The following C2CD2 variants were observed in gnomAD, a reference collection of about 807,000 sequenced individuals.
C2CD2 encodes the protein C2 domain-containing protein 2.
In C2CD2, 43 loss-of-function variants were observed where a neutral mutation model predicts 74.3. The observed-to-expected ratio is 0.58, with a 90% CI of 0.45 to 0.75. The LOEUF is 0.75. C2CD2 is among the 30% of genes least tolerant of loss of function. The pLI is 0.00. For synonymous variants in C2CD2, 422 were observed against 390.7 expected, an observed-to-expected ratio of 1.08 and a Z score of -0.94; for missense variants, 801 against 916.3, an observed-to-expected ratio of 0.87 and a Z score of 1.63.
At chr21:41,900,754 A>C (rs763863083) in intron 12 of C2CD2, among the ~76,000 whole-genome samples, 4 of 152,062 alleles carry the variant, frequency 2.6e-5, no homozygotes, top group Non-Finnish European at 5.9e-5. Context: ...TCCTACTCCA[A>C]ATCAAAATCT....
intron 11 of C2CD2, 56 bp from the exon 12 acceptor site, chr21:41,901,805 G>A: frequency 1.4e-6 from 2 of 1,477,258 alleles, no homozygotes; most frequent in Admixed American, 1.7e-5. Context: ...ACTTCCATGG[G>A]AACTTCCAGG....
chr21:41,888,890 C>T lies in C2CD2; in HGVS notation c.*234G>A. The stretch of plus-strand genomic sequence containing the variant: ...TATGAGCACAGCCCAAGCTCTGCAG[C>T]TGTCAAGTCTCATTTAGCATCTGGT... On this transcript the variant is annotated 3_prime_UTR_variant, in exon 14 of 14. Coordinates refer to ENST00000380486, the MANE Select transcript of C2CD2 (RefSeq NM_015500.2). 1 of 582,392 alleles carries T rather than the reference C, an allele frequency of 1.7e-6. No homozygotes were observed. The highest frequency in any genetic ancestry group is 3.1e-6 in the Non-Finnish European group (1 of 326,670). The allele number at this position is 582,392 out of a possible 1,614,324, so 36.1% of individuals were successfully genotyped here.
intron 2 of C2CD2, 31 bp downstream of exon 2, chr21:41,942,116 C>T (rs2065359507): frequency 1.3e-6 from 2 of 1,547,980 alleles, no homozygotes; most frequent in East Asian, 2.4e-5. Flanking sequence ...AAGTTCACCT[C>T]TTCCTGCAGG....
At chr21:41,891,603 GT>G (rs2064754850) in intron 13 of C2CD2, among the ~76,000 whole-genome samples, 1 of 152,144 alleles carries the variant, frequency 6.6e-6, no homozygotes, top group African/African-American at 2.4e-5. Flanking sequence ...CCTCAGTGGT[GT>G]TTCTGATCTA....
intron 1 of C2CD2, among the ~76,000 whole-genome samples, chr21:41,947,103 C>CTCT (rs2065403734): frequency 1.4e-4 from 3 of 22,118 alleles, no homozygotes; most frequent in Non-Finnish European, 4.5e-4. Context: ...TCTTTCTTTC[C>CTCT]TTTCTCTTTT....
In C2CD2 at chr21:41,901,351, G is replaced by A. The variant is rs898126532; in HGVS notation, c.1560+271C>T. 168 of 511,764 alleles carry A rather than the reference G, an allele frequency of 3.3e-4. 1 individual carries two copies. Among genetic ancestry groups the A allele is most frequent in the Non-Finnish European group, 5.4e-4 (153 of 281,176 alleles). 31.7% of individuals were successfully genotyped at this position (511,764 alleles called of 1,614,324 possible). On this transcript the variant is annotated intron_variant, in intron 12 of 13. Coordinates refer to ENST00000380486, the MANE Select transcript of C2CD2 (RefSeq NM_015500.2). Reference sequence around the variant, plus strand: ...GTCTTACATCATGTTCCTCTCTTTCGATAATTTTTCTTGAAATGATTTGCC... The same window carrying A: ...GTCTTACATCATGTTCCTCTCTTTCAATAATTTTTCTTGAAATGATTTGCC...
chr21:41,911,645 C>A (rs192228314), intron 7 of C2CD2, among the ~76,000 whole-genome samples: 1 of 152,014 alleles, frequency 6.6e-6, no homozygotes, highest in East Asian at 1.9e-4. Flanking sequence ...ACCTCAGCCT[C>A]CCAAAGTACT....
Position 41,953,694 on chromosome 21 carries a change from G to A in C2CD2, c.-46C>T, listed in dbSNP as rs2146243503. On this transcript the variant is annotated 5_prime_UTR_variant, in exon 1 of 14. Transcript: ENST00000380486. ...CGCCCCAACTTCCCCGGCAGCCCCG[G>A]GCCGGAACGGCGGACTCAGGACACG... 2 of 1,342,760 alleles carry A rather than the reference G, an allele frequency of 1.5e-6. No individual in the cohort carries two copies. Among genetic ancestry groups the A allele is most frequent in the Non-Finnish European group, 9.5e-7 (1 of 1,050,922 alleles). 83.2% of individuals were successfully genotyped at this position (1,342,760 alleles called of 1,614,324 possible). A position where few individuals can be genotyped will look rare whatever the true frequency, so the allele number is the denominator to read the frequency against.
rs2065189655 is a variant in C2CD2, at chr21:41,924,623, C to A, written c.379-2538G>T. Among the ~76,000 whole-genome samples, 1 of 152,186 alleles carries A rather than the reference C, an allele frequency of 6.6e-6. No homozygotes were observed. Among genetic ancestry groups the A allele is most frequent in the Admixed American group, 6.5e-5 (1 of 15,284 alleles). ...GCTTTGTGGCCAGATGAGTTACACG[C>A]ACCAATGGCATGACACTGAGAAAAT... On this transcript the variant is annotated intron_variant, in intron 2 of 13. Transcript: ENST00000380486. This position sits in a 1 kb window ranked among gnomAD's most constrained non-coding sequence, Gnocchi z 4.4.
intron 13 of C2CD2, among the ~76,000 whole-genome samples, chr21:41,893,013 A>G (rs940277736): frequency 4.6e-5 from 7 of 152,210 alleles, no homozygotes; most frequent in African/African-American, 1.7e-4. Context: ...AAGACCTTAG[A>G]ACAGGAACAG....
At chr21:41,907,867 G>T in intron 8 of C2CD2, 83 bp from the exon 9 acceptor site, 1 of 1,426,978 alleles carries the variant, frequency 7.0e-7, no homozygotes, top group South Asian at 1.2e-5. Flanking sequence ...ACGCCCAGCA[G>T]CCGGAACACG....
chr21:41,953,114 G>A, intron 1 of C2CD2: 1 of 383,594 alleles, frequency 2.6e-6, no homozygotes, highest in Non-Finnish European at 4.6e-6. Context: ...CCCTCCAACT[G>A]CCAGCCTGTC....
Position 41,885,394 on chromosome 21 carries a change from AATG to A in C2CD2, c.*3727_*3729del, listed in dbSNP as rs1164546935. The stretch of plus-strand genomic sequence containing the variant: ...GAGTAAACAACAAACCACAAGCCTA[AATG>A]ATGAATGGTGCGCTGCTGCCCAGCT... On this transcript the variant is annotated 3_prime_UTR_variant, in exon 14 of 14. Transcript: ENST00000380486. The A allele has an allele frequency of 6.6e-6, 1 of 152,626 alleles. No individual in the cohort carries two copies. The highest frequency in any genetic ancestry group is 1.5e-5 in the Non-Finnish European group (1 of 68,042). The allele number at this position is 152,626 out of a possible 1,614,324, so 9.5% of individuals were successfully genotyped here. A position where few individuals can be genotyped will look rare whatever the true frequency, so the allele number is the denominator to read the frequency against.
At position 41,953,549 on chromosome 21, in the gene C2CD2, C is replaced by A; in HGVS notation, c.100G>T (p.Ala34Ser). The A allele has an allele frequency of 6.7e-7, 1 of 1,486,546 alleles. No individual in the cohort carries two copies. The allele number at this position is 1,486,546 out of a possible 1,614,324, so 92.1% of individuals were successfully genotyped here. Residue 34 changes from alanine (A) to serine (S), a missense_variant, in exon 1 of 14, where the codon GCG becomes TCG. Ala to Ser is a moderately conservative substitution (Grantham distance 99, BLOSUM62 1). Coordinates refer to ENST00000380486, the MANE Select transcript of C2CD2 (RefSeq NM_015500.2). ...CGCGCCCTGGCCAGCGCCCACTGCG[C>A]CAGGTACAGGCCTACCGTGGCCAGG... Reference protein sequence around the residue: ...AALATVGLYLAQWALARARPQ... With the variant: ...AALATVGLYLSQWALARARPQ...
At chr21:41,896,774 G>GA (rs2064829161) in intron 13 of C2CD2, among the ~76,000 whole-genome samples, 2 of 146,370 alleles carry the variant, frequency 1.4e-5, no homozygotes, top group Non-Finnish European at 3.0e-5. Context: ...CACCAGTTTT[G>GA]AAAAATGTTT....
Position 41,889,363 on chromosome 21 carries a change from AG to A in C2CD2, c.1871-20del. The A allele has an allele frequency of 6.4e-7, 1 of 1,572,528 alleles. No homozygotes were observed. Among genetic ancestry groups the A allele is most frequent in the South Asian group, 1.1e-5 (1 of 89,792 alleles). On this transcript the variant is annotated intron_variant, in intron 13 of 13. Transcript: ENST00000380486. ...ATTCCTCCTGGAAGAGGGAGGCACA[AG>A]GGCTGGTCAAGTGGGCAGGGAATGA...
At chr21:41,904,222 A>T (rs2064933670) in intron 11 of C2CD2, among the ~76,000 whole-genome samples, 1 of 152,024 alleles carries the variant, frequency 6.6e-6, no homozygotes, top group African/African-American at 2.4e-5. Flanking sequence ...GCTAAAAGAC[A>T]CTCCCACCAG....
chr21:41,948,159 C>T (rs1162663249), intron 1 of C2CD2, among the ~76,000 whole-genome samples: 2 of 152,218 alleles, frequency 1.3e-5, no homozygotes, highest in Admixed American at 1.3e-4. Flanking sequence ...CTTGTTTTGC[C>T]CAGGCCTGGC....
rs1312619114 is a variant in C2CD2 at position 41,899,683 on chromosome 21, G to C, written c.1561-321C>G. ...GGCAAGCTGCAGAAATGAGATGCGA[G>C]AGAGAGAGCCCGTCCTTCAGAGTCC... On this transcript the variant is annotated intron_variant, in intron 12 of 13. Coordinates refer to ENST00000380486, the MANE Select transcript of C2CD2 (RefSeq NM_015500.2). The surrounding 1 kb of genome is among the most constrained non-coding windows in gnomAD (Gnocchi z 4.4). 2.6e-5 allele frequency among the ~76,000 whole-genome samples: 4 copies of C among 152,114 alleles called. No individual in the cohort carries two copies. Among genetic ancestry groups the C allele is most frequent in the Non-Finnish European group, 5.9e-5 (4 of 68,018 alleles).
Sources: gnomAD v4.1 joint callset for allele counts (sites outside exome capture counted in the v4.1 genomes callset) on GRCh38, gnomAD v4.1.1 for gene constraint, Gnocchi (gnomAD v3.1) non-coding constraint, MANE v1.5 for transcripts, NCBI Gene and HGNC (gene_info 2026-07-23, HGNC 2026-07-21) for gene names.